The following OXR1 variants were observed in gnomAD, a reference collection of about 807,000 sequenced individuals.
The protein encoded by OXR1 is oxidation resistance protein 1.
In OXR1, 41 loss-of-function variants were observed where a neutral mutation model predicts 104.6. The ratio of observed to expected loss-of-function variants is 0.39; its 90% confidence interval spans 0.31 to 0.51. The LOEUF (loss-of-function observed/expected upper bound fraction) is 0.51. Among genes scored for constraint, OXR1 ranks in the 20% least tolerant of loss-of-function variants. The pLI is 0.77. For missense variants in OXR1, 955 were observed against 1,031.9 expected, an observed-to-expected ratio of 0.93 and a Z score of 1.02; for synonymous variants, 348 against 348.4, an observed-to-expected ratio of 1.00 and a Z score of 0.01.
intron 2 of OXR1, among the ~76,000 whole-genome samples, chr8:106,433,786 A>G (rs1819459719): frequency 6.6e-6 from 1 of 152,162 alleles, no homozygotes; most frequent in African/African-American, 2.4e-5. Flanking sequence ...TTATTGATCC[A>G]TTTCACTATT....
chr8:106,734,174 TC>T (rs957940710), intron 11 of OXR1, among the ~76,000 whole-genome samples: 75 of 152,140 alleles, frequency 4.9e-4, no homozygotes, highest in African/African-American at 1.8e-3. Flanking sequence ...CCCCGGCTGT[TC>T]TCAAACTGGA....
At chr8:106,558,800 C>G (rs1816470066) in intron 3 of OXR1, among the ~76,000 whole-genome samples, 1 of 152,102 alleles carries the variant, frequency 6.6e-6, no homozygotes, top group African/African-American at 2.4e-5. Flanking sequence ...CATTGGTATT[C>G]CCTATATCTT....
intron 2 of OXR1, among the ~76,000 whole-genome samples, chr8:106,457,403 G>T (rs1820659762): frequency 6.6e-6 from 1 of 152,126 alleles, no homozygotes; most frequent in Admixed American, 6.6e-5. Context: ...AGAAATAAAT[G>T]TATTTCCTCT....
At chr8:106,369,638 A>G (rs1816624672) in intron 2 of OXR1, among the ~76,000 whole-genome samples, 1 of 152,104 alleles carries the variant, frequency 6.6e-6, no homozygotes, top group South Asian at 2.1e-4. Context: ...TCCCAGCACA[A>G]TTTACTGAAT....
At chr8:106,519,256 A>G (rs747335004) in intron 3 of OXR1, 117 bp downstream of exon 3, 21 of 672,600 alleles carry the variant, frequency 3.1e-5, no homozygotes, top group African/African-American at 5.5e-5. Flanking sequence ...AATCTTTCTG[A>G]TGGTTTATTT....
intron 3 of OXR1, among the ~76,000 whole-genome samples, chr8:106,670,413 G>A (rs922553592): frequency 9.2e-5 from 14 of 152,092 alleles, no homozygotes; most frequent in African/African-American, 3.4e-4. Flanking sequence ...CAAATTTTAT[G>A]TTCTGCACAC....
chr8:106,622,081 C>CT (rs1427372500), intron 3 of OXR1, among the ~76,000 whole-genome samples: 1 of 151,990 alleles, frequency 6.6e-6, no homozygotes, highest in East Asian at 1.9e-4. Context: ...TTAATGGAAG[C>CT]ATCATTTCTC....
At chr8:106,488,149 T>C (rs1563555618) in intron 2 of OXR1, among the ~76,000 whole-genome samples, 1 of 145,706 alleles carries the variant, frequency 6.9e-6, no homozygotes, top group South Asian at 2.2e-4. Context: ...ATTGTGGTTT[T>C]GATTTGCATT....
At chr8:106,400,838 CAGAT>C (rs1817970114) in intron 2 of OXR1, among the ~76,000 whole-genome samples, 1 of 152,064 alleles carries the variant, frequency 6.6e-6, no homozygotes, top group African/African-American at 2.4e-5. Context: ...TAGATTATGA[CAGAT>C]AGATACAACT....
At position 106,706,996 on chromosome 8, in the gene OXR1, A is replaced by C. The variant is rs1053317955; in HGVS notation, c.1475A>C (p.Asn492Thr). 1 of 1,613,800 alleles carries C rather than the reference A, an allele frequency of 6.2e-7. No homozygotes were observed. Among genetic ancestry groups the C allele is most frequent in the Non-Finnish European group, 8.5e-7 (1 of 1,179,962 alleles). The change falls in exon 9 of 17, where the codon AAT becomes ACT. Residue 492 changes from asparagine to threonine, a missense_variant. Asn to Thr is a moderately conservative substitution (Grantham distance 65). Around this residue, in one of 2 missense-constraint regions of OXR1, gnomAD observed 849 missense variants for 852.9 expected, o/e 1.00. Coordinates refer to ENST00000517566, the MANE Select transcript of OXR1 (RefSeq NM_001198533.2). ...AAAGGAAAACAAGGAAAGGAGCAAA[A>C]TCAGGACTCACAGACAGAGGCAGAA... ...VNKGKQGKEQ[N>T]QDSQTEAEEL... is the part of the protein sequence containing the mutation.
At chr8:106,444,519 G>A (rs970149841) in intron 2 of OXR1, among the ~76,000 whole-genome samples, 1 of 152,178 alleles carries the variant, frequency 6.6e-6, no homozygotes, top group East Asian at 1.9e-4. Flanking sequence ...GAAAAGGAAT[G>A]AGATCATGTC....
At chr8:106,298,484 TC>T (rs1187342240) in intron 1 of OXR1, among the ~76,000 whole-genome samples, 1 of 152,136 alleles carries the variant, frequency 6.6e-6, no homozygotes, top group Non-Finnish European at 1.5e-5. Flanking sequence ...GAGCTACAGT[TC>T]AAGATGAGAA....
chr8:106,596,691 T>G (rs189328903), intron 3 of OXR1, among the ~76,000 whole-genome samples: 115 of 152,244 alleles, frequency 7.6e-4, no homozygotes, highest in African/African-American at 2.7e-3. Context: ...TTTAATTGAC[T>G]TTCCCACTCC....
chr8:106,429,397 C>T (rs529672326), intron 2 of OXR1, among the ~76,000 whole-genome samples: 27 of 152,218 alleles, frequency 1.8e-4, no homozygotes, highest in South Asian at 1.7e-3. Context: ...TAGTGGCTCA[C>T]GTCTGTAATC....
intron 1 of OXR1, among the ~76,000 whole-genome samples, chr8:106,299,573 G>T (rs1268835712): frequency 1.3e-5 from 2 of 152,056 alleles, no homozygotes; most frequent in Non-Finnish European, 2.9e-5. Context: ...GGGTGATGTT[G>T]ATAGTAACAG....
At chr8:106,709,627 T>C (rs1831502973) in intron 9 of OXR1, among the ~76,000 whole-genome samples, 2 of 152,038 alleles carry the variant, frequency 1.3e-5, no homozygotes, top group Non-Finnish European at 2.9e-5. Flanking sequence ...GGGAGGTTAT[T>C]ATAACCAAAT....
chr8:106,617,645 T>C (rs999063696), intron 3 of OXR1, among the ~76,000 whole-genome samples: 1 of 152,192 alleles, frequency 6.6e-6, no homozygotes, highest in Non-Finnish European at 1.5e-5. Flanking sequence ...CAAAATTATG[T>C]TCTGACAATG....
chr8:106,508,206 G>A (rs2130007299), intron 2 of OXR1, among the ~76,000 whole-genome samples: 1 of 152,338 alleles, frequency 6.6e-6, no homozygotes, highest in East Asian at 1.9e-4. Flanking sequence ...AGAACATGTG[G>A]AGAGATTGGC....
intron 15 of OXR1, 114 bp from the exon 16 acceptor site, chr8:106,745,675 C>G: frequency 7.6e-6 from 4 of 529,368 alleles, no homozygotes. Flanking sequence ...TTGTGGTGTT[C>G]TTATTCTTAT....
Sources: allele counts gnomAD v4.1 joint callset (sites outside exome capture counted in the v4.1 genomes callset), GRCh38; gene constraint gnomAD v4.1.1; regional missense constraint gnomAD v4.1.1; transcripts MANE v1.5; gene names NCBI Gene and HGNC (gene_info 2026-07-23, HGNC 2026-07-21).